EDDM13: variants seen among roughly 807,000 people sequenced by gnomAD.
EDDM13 encodes epididymal protein 13.
EDDM13 carries 24 observed loss-of-function variants against 17.8 expected under a neutral mutation model. The observed-to-expected ratio is 1.35, with a 90% CI of 0.98 to 1.90. The LOEUF is 1.90. EDDM13 is among the 40% of genes most tolerant of loss of function. The pLI, the probability that EDDM13 is intolerant of heterozygous loss-of-function variation, is 0.00. For missense variants in EDDM13, 97 were observed against 100.8 expected (o/e 0.96, Z 0.16); for synonymous variants, 31 against 37.5 (o/e 0.83, Z 0.63).
intron 2 of EDDM13, chr19:56,280,771 C>G (rs2038632781): frequency 6.6e-6 from 1 of 152,130 alleles, no homozygotes; most frequent in Admixed American, 6.5e-5. Context: ...CCTTTTATAA[C>G]CAGCATTTAT....
intron 1 of EDDM13, among the ~76,000 whole-genome samples, chr19:56,273,736 A>T (rs534451452): frequency 1.3e-5 from 2 of 152,258 alleles, no homozygotes; most frequent in East Asian, 3.9e-4. Flanking sequence ...TACAAGTAAG[A>T]AGAGACAGGA....
rs182599800 is a variant in EDDM13 at position 56,291,633 on chromosome 19, C to T, written c.232+787C>T. ...GCATCTCATCTCAACAGCACTGAAA[C>T]CTAAGAGTCTTGTTTCACATTTGAC... On this transcript the variant is annotated intron_variant, in intron 9 of 14. Coordinates refer to ENST00000649256, the MANE Select transcript of EDDM13 (RefSeq NM_001354658.2). Among the ~76,000 whole-genome samples, 10 of 152,234 alleles carry T rather than the reference C, an allele frequency of 6.6e-5. No homozygotes were observed. In the East Asian group the frequency reaches 1.7e-3, roughly 26 times the overall value.
intron 13 of EDDM13, among the ~76,000 whole-genome samples, chr19:56,303,189 T>C (rs978910979): frequency 2.0e-5 from 3 of 151,986 alleles, no homozygotes; most frequent in African/African-American, 7.3e-5. Context: ...TGCAAGAAAC[T>C]ACAAGCCAGG....
At chr19:56,277,000 T>C (rs2147016160) in intron 2 of EDDM13, among the ~76,000 whole-genome samples, 1 of 152,322 alleles carries the variant, frequency 6.6e-6, no homozygotes, top group South Asian at 2.1e-4. Flanking sequence ...CTCAACCTCA[T>C]TAGCCATCAG....
In EDDM13 at chr19:56,279,704, G is replaced by A. The variant is rs2038539939; in HGVS notation, c.104-1989G>A. On this transcript the variant is annotated intron_variant, in intron 2 of 14. Coordinates refer to ENST00000649256, the MANE Select transcript of EDDM13 (RefSeq NM_001354658.2). ...TAAAATGCCTGCAGATAACATTTTG[G>A]GTTTTTTATACCTAAAAAGCTAGCC... Among the ~76,000 whole-genome samples, 4 of 151,978 alleles carry A rather than the reference G, an allele frequency of 2.6e-5. No individual in the cohort carries two copies. In the South Asian group the frequency reaches 8.3e-4, roughly 32 times the overall value.
intron 3 of EDDM13, among the ~76,000 whole-genome samples, chr19:56,282,160 G>A (rs1020776968): frequency 1.3e-5 from 2 of 152,126 alleles, no homozygotes; most frequent in African/African-American, 2.4e-5. Context: ...TCCAGTCTCC[G>A]GTTGAGAAGT....
At chr19:56,290,240 TA>T (rs2147146854) in intron 8 of EDDM13, among the ~76,000 whole-genome samples, 1 of 152,334 alleles carries the variant, frequency 6.6e-6, no homozygotes, top group East Asian at 1.9e-4. Flanking sequence ...TGAGATAAAG[TA>T]GGACTCAGCA....
chr19:56,284,750 G>A (rs1259358441), intron 5 of EDDM13, among the ~76,000 whole-genome samples: 1 of 151,986 alleles, frequency 6.6e-6, no homozygotes, highest in Non-Finnish European at 1.5e-5. Flanking sequence ...CTGACCTCAG[G>A]TGATCCACCC....
At position 56,288,410 on chromosome 19, in the gene EDDM13, C is replaced by A. The variant is rs146843926; in HGVS notation, c.180C>A (p.Leu60=). The change falls in exon 7 of 15, where the codon CTC becomes CTA. Residue 60 remains leucine (L), a synonymous_variant. Coordinates refer to ENST00000649256, the MANE Select transcript of EDDM13 (RefSeq NM_001354658.2). ...PDGLRHNITS[L]KMPPLVSPQD... is the part of the protein sequence containing the mutation. ...GTCTCAGACACAACATCACTTCCCT[C>A]AAGATGCCTCCCCTGGTGTCCCCGC... Among the ~76,000 whole-genome samples the A allele has an allele frequency of 2.2e-3, 340 of 152,338 alleles. 1 individual carries two copies. The highest frequency in any genetic ancestry group is 3.8e-3 in the Non-Finnish European group (256 of 68,032).
intron 12 of EDDM13, among the ~76,000 whole-genome samples, chr19:56,301,747 G>A (rs1460737307): frequency 6.6e-6 from 1 of 152,184 alleles, no homozygotes; most frequent in African/African-American, 2.4e-5. Flanking sequence ...TTGGATGTGA[G>A]GTGGGAGAGC....
At chr19:56,293,449 A>G (rs929130021) in intron 9 of EDDM13, among the ~76,000 whole-genome samples, 8 of 152,252 alleles carry the variant, frequency 5.3e-5, no homozygotes, top group African/African-American at 1.7e-4. Context: ...TATTATCATT[A>G]TAATTGTATG....
intron 2 of EDDM13, among the ~76,000 whole-genome samples, chr19:56,277,521 T>C (rs1449038960): frequency 6.6e-6 from 1 of 151,810 alleles, no homozygotes; most frequent in African/African-American, 2.4e-5. Context: ...ACATTAGTGA[T>C]TTCCAGGGGG....
intron 2 of EDDM13, among the ~76,000 whole-genome samples, chr19:56,279,219 G>A (rs1386884673): frequency 1.3e-5 from 2 of 151,972 alleles, no homozygotes; most frequent in Non-Finnish European, 2.9e-5. Context: ...CCCCCACCAA[G>A]TAGTCTTTGG....
At chr19:56,298,453 T>C (rs1270963927) in intron 12 of EDDM13, among the ~76,000 whole-genome samples, 4 of 151,874 alleles carry the variant, frequency 2.6e-5, no homozygotes, top group Non-Finnish European at 4.4e-5. Flanking sequence ...CCACCCAACA[T>C]GATGAAACCC....
At chr19:56,289,812 C>T (rs568998564) in intron 8 of EDDM13, among the ~76,000 whole-genome samples, 1 of 152,228 alleles carries the variant, frequency 6.6e-6, no homozygotes, top group Non-Finnish European at 1.5e-5. Context: ...CAGGGTCTCA[C>T]CATGTTGCTC....
At chr19:56,278,290 T>G (rs903075786) in intron 2 of EDDM13, among the ~76,000 whole-genome samples, 1 of 152,198 alleles carries the variant, frequency 6.6e-6, no homozygotes, top group Non-Finnish European at 1.5e-5. Context: ...CATGCCACCA[T>G]GCCTGGCTAA....
chr19:56,300,278 A>G (rs2040143456), intron 12 of EDDM13, among the ~76,000 whole-genome samples: 1 of 152,200 alleles, frequency 6.6e-6, no homozygotes, highest in Non-Finnish European at 1.5e-5. Context: ...AACTTATTAC[A>G]TACCTGCTCT....
At chr19:56,286,356 C>T (rs995047283) in intron 6 of EDDM13, 1 of 152,100 alleles carries the variant, frequency 6.6e-6, no homozygotes, top group African/African-American at 2.4e-5. Flanking sequence ...GGCCAAAAAA[C>T]ACTGCCCCCC....
At position 56,293,544 on chromosome 19, in the gene EDDM13, T is replaced by C. The variant is rs572232030; in HGVS notation, c.233-2415T>C. Among the ~76,000 whole-genome samples, 13 of 152,272 alleles carry C rather than the reference T, an allele frequency of 8.5e-5. No homozygotes were observed. The East Asian group carries it at 2.5e-3, about 29-fold the overall frequency. On this transcript the variant is annotated intron_variant, in intron 9 of 14. Coordinates refer to ENST00000649256, the MANE Select transcript of EDDM13 (RefSeq NM_001354658.2). ...GAGTGTGCACTGTGGGCGCCGGTCCTGACTGCACCACTTTCTAGTTCCGTG... is the reference window on the plus strand; with the variant it reads ...GAGTGTGCACTGTGGGCGCCGGTCCCGACTGCACCACTTTCTAGTTCCGTG...
Sources: gnomAD v4.1 joint callset for allele counts (sites outside exome capture counted in the v4.1 genomes callset) on GRCh38, gnomAD v4.1.1 for gene constraint, MANE v1.5 for transcripts, NCBI Gene and HGNC (gene_info 2026-07-23, HGNC 2026-07-21) for gene names.